The following ENTREP2 variants were observed in gnomAD, a reference collection of about 807,000 sequenced individuals.
ENTREP2 encodes the protein protein ENTREP2.
chr15:29,325,710 A>G, the ENTREP2 span, among the ~76,000 whole-genome samples: 2 of 152,194 alleles, frequency 1.3e-5, no homozygotes, highest in African/African-American at 2.4e-5. Context: ...AATTTCTTCT[A>G]CAAAACAGAA....
the ENTREP2 span, among the ~76,000 whole-genome samples, chr15:29,323,902 T>C: frequency 1.3e-5 from 2 of 152,146 alleles, no homozygotes; most frequent in South Asian, 2.1e-4. Flanking sequence ...TATTGTGTTA[T>C]TTGAGAGTGA....
the ENTREP2 span, among the ~76,000 whole-genome samples, chr15:29,281,051 C>T: frequency 6.6e-6 from 1 of 152,144 alleles, no homozygotes. Context: ...TACTCTCATG[C>T]ATTTATTTTC....
chr15:29,126,642 T>C, the ENTREP2 span, among the ~76,000 whole-genome samples: 1 of 152,346 alleles, frequency 6.6e-6, no homozygotes, highest in East Asian at 1.9e-4. Context: ...TGCTTTATGC[T>C]GTTGAAAGTT....
the ENTREP2 span, among the ~76,000 whole-genome samples, chr15:29,536,242 C>T: frequency 6.6e-6 from 1 of 152,178 alleles, no homozygotes; most frequent in Admixed American, 6.5e-5. Flanking sequence ...ATCAGTAACC[C>T]CTCTTCTTTT....
the ENTREP2 span, among the ~76,000 whole-genome samples, chr15:29,544,864 T>C: frequency 1.3e-5 from 2 of 152,334 alleles, no homozygotes; most frequent in East Asian, 3.9e-4. Flanking sequence ...GAAACAGCTG[T>C]GTCTGCCTGT....
chr15:29,333,288 A>T, the ENTREP2 span, among the ~76,000 whole-genome samples: 10 of 152,310 alleles, frequency 6.6e-5, no homozygotes, highest in South Asian at 2.1e-3. Flanking sequence ...ATAGAAGCTG[A>T]TGCCACCTCT....
chr15:29,409,124 T>C, the ENTREP2 span, among the ~76,000 whole-genome samples: 3 of 152,194 alleles, frequency 2.0e-5, no homozygotes, highest in East Asian at 1.9e-4. Context: ...GCCTACATGG[T>C]TGTAATTTTG....
chr15:29,644,524 C>T, the ENTREP2 span, among the ~76,000 whole-genome samples: 5 of 152,136 alleles, frequency 3.3e-5, no homozygotes, highest in South Asian at 2.1e-4. Flanking sequence ...GAGTCCTGGC[C>T]GGGCGCGGTG....
chr15:29,256,355 T>C, the ENTREP2 span, among the ~76,000 whole-genome samples: 1 of 152,136 alleles, frequency 6.6e-6, no homozygotes, highest in Non-Finnish European at 1.5e-5. Flanking sequence ...TAGTCATACA[T>C]AACAAAAAAA....
chr15:29,581,714 T>TA, the ENTREP2 span, among the ~76,000 whole-genome samples: 1 of 152,118 alleles, frequency 6.6e-6, no homozygotes. Context: ...AAGTTGGTTT[T>TA]TTTTTTAAAA....
chr15:29,227,768 T>C, the ENTREP2 span, among the ~76,000 whole-genome samples: 3 of 152,108 alleles, frequency 2.0e-5, no homozygotes, highest in Admixed American at 2.0e-4. Context: ...CACTCTGCAG[T>C]GGTAAGAGTT....
chr15:29,627,470 G>A, the ENTREP2 span, among the ~76,000 whole-genome samples: 3 of 150,996 alleles, frequency 2.0e-5, no homozygotes, highest in South Asian at 2.1e-4. Context: ...TTGAACCTGA[G>A]AGGCGGAGGT....
At chr15:29,392,496 T>G in the ENTREP2 span, among the ~76,000 whole-genome samples, 1 of 152,132 alleles carries the variant, frequency 6.6e-6, no homozygotes, top group Admixed American at 6.5e-5. Flanking sequence ...AGGTTGACAG[T>G]TGCATCTCTC....
chr15:29,241,383 C>T, the ENTREP2 span, among the ~76,000 whole-genome samples: 1 of 152,122 alleles, frequency 6.6e-6, no homozygotes, highest in African/African-American at 2.4e-5. Flanking sequence ...TAAAACTATA[C>T]AGTTGGATGA....
the ENTREP2 span, among the ~76,000 whole-genome samples, chr15:29,605,276 T>G: frequency 9.2e-5 from 14 of 152,222 alleles, no homozygotes; most frequent in South Asian, 1.2e-3. Flanking sequence ...TTTTGAGAGA[T>G]AATCATAGGC....
At chr15:29,367,887 C>G in the ENTREP2 span, among the ~76,000 whole-genome samples, 1 of 141,868 alleles carries the variant, frequency 7.0e-6, no homozygotes, top group Non-Finnish European at 1.5e-5. Flanking sequence ...CTATAGTGGA[C>G]AAGAAGAATT....
the ENTREP2 span, among the ~76,000 whole-genome samples, chr15:29,603,006 A>G: frequency 7.2e-5 from 11 of 152,226 alleles, no homozygotes; most frequent in Admixed American, 5.2e-4. Context: ...CACAGAGGGC[A>G]GAAAGATGTG....
chr15:29,268,093 T>C, the ENTREP2 span: 2 of 152,204 alleles, frequency 1.3e-5, no homozygotes, highest in African/African-American at 2.4e-5. Flanking sequence ...CTTTAAGATG[T>C]TGATTTCCAG....
At chr15:29,129,249 G>C in the ENTREP2 span, among the ~76,000 whole-genome samples, 17 of 152,064 alleles carry the variant, frequency 1.1e-4, no homozygotes, top group African/African-American at 3.9e-4. Context: ...ATTTTTAGTA[G>C]AGATGGGGTT....
Sources: gnomAD v4.1 joint callset for allele counts (sites outside exome capture counted in the v4.1 genomes callset) on GRCh38, gnomAD v4.1.1 for gene constraint, MANE v1.5 for transcripts, NCBI Gene and HGNC (gene_info 2026-07-23, HGNC 2026-07-21) for gene names.